The following RRP1B variants were observed in gnomAD, a reference collection of about 807,000 sequenced individuals.
The protein encoded by RRP1B is ribosomal RNA processing 1B, also known as ribosomal RNA processing protein 1 homolog B.
A neutral mutation model predicts 80.2 loss-of-function variants in RRP1B; 56 were observed. The observed-to-expected ratio is 0.70, with a 90% CI of 0.56 to 0.87. RRP1B has a LOEUF of 0.87. Among genes scored for constraint, RRP1B ranks in the 40% least tolerant of loss-of-function variants. The pLI, the probability that RRP1B is intolerant of heterozygous loss-of-function variation, is 0.00. For missense variants in RRP1B, 807 were observed against 939.8 expected, an observed-to-expected ratio of 0.86 and a Z score of 1.85; for synonymous variants, 351 against 357.6, an observed-to-expected ratio of 0.98 and a Z score of 0.21.
rs1326735780 is a variant in RRP1B at position 43,672,841 on chromosome 21, G to A, written c.271+476G>A. ...AAGGAAGAAAAAGGTAGCCGACTTCGTTTGTTCTGCTTAATGCTCTTCAGA... is the reference window on the plus strand; with the variant it reads ...AAGGAAGAAAAAGGTAGCCGACTTCATTTGTTCTGCTTAATGCTCTTCAGA... On this transcript the variant is annotated intron_variant, in intron 3 of 15. Transcript: ENST00000340648. 2.6e-5 allele frequency among the ~76,000 whole-genome samples: 4 copies of A among 152,274 alleles called. No homozygotes were observed. The East Asian group carries it at 5.8e-4, about 22-fold the overall frequency.
chr21:43,666,742 T>A (rs2082979680), intron 1 of RRP1B, among the ~76,000 whole-genome samples: 1 of 151,384 alleles, frequency 6.6e-6, no homozygotes, highest in South Asian at 2.1e-4. Flanking sequence ...AAATCCTTAA[T>A]AGCATGAAAT....
At chr21:43,689,099 T>TGG in intron 13 of RRP1B, among the ~76,000 whole-genome samples, 1 of 152,354 alleles carries the variant, frequency 6.6e-6, no homozygotes, top group South Asian at 2.1e-4. Context: ...ACACCACCTC[T>TGG]GGGCGCCCTG....
At chr21:43,679,741 A>C (rs1165515251) in intron 8 of RRP1B, among the ~76,000 whole-genome samples, 2 of 152,162 alleles carry the variant, frequency 1.3e-5, no homozygotes, top group East Asian at 3.8e-4. Context: ...TCGTTTTCAC[A>C]ATATTGATTC....
chr21:43,662,960 T>A (rs1298217722), intron 1 of RRP1B, among the ~76,000 whole-genome samples: 1 of 152,234 alleles, frequency 6.6e-6, no homozygotes, highest in Non-Finnish European at 1.5e-5. Context: ...TTGCTTTCTT[T>A]TTGGCAGCAT....
In RRP1B at chr21:43,687,894, C is replaced by A; in HGVS notation, c.1520C>A (p.Pro507His). Residue 507 changes from proline (P) to histidine (H), a missense_variant, in exon 13 of 16, where the codon CCT (proline) becomes CAT (histidine). Physicochemically the swap from Pro to His is moderately conservative, Grantham distance 77. Coordinates refer to ENST00000340648, the MANE Select transcript of RRP1B (RefSeq NM_015056.3). ...CAGAGTGGCCCGAGTGGCAGTCATCCTCAGGGACCTAGAGGGTCCCCGACA... is the reference window on the plus strand; with the variant it reads ...CAGAGTGGCCCGAGTGGCAGTCATCATCAGGGACCTAGAGGGTCCCCGACA... ...MSQSGPSGSHPQGPRGSPTGG... is the reference protein window; with the variant it reads ...MSQSGPSGSHHQGPRGSPTGG... 6.2e-7 allele frequency: 1 copy of A among 1,613,250 alleles called. No homozygotes were observed. The highest frequency in any genetic ancestry group is 8.5e-7 in the Non-Finnish European group (1 of 1,180,038).
chr21:43,684,417 G>C (rs1387767636), intron 9 of RRP1B, 136 bp from the exon 10 acceptor site: 32 of 736,532 alleles, frequency 4.3e-5, no homozygotes, highest in Non-Finnish European at 5.4e-5. Flanking sequence ...TGGTTGCCAA[G>C]TCCCAGCACA....
At chr21:43,692,968 C>G (rs1275370912) in intron 15 of RRP1B, among the ~76,000 whole-genome samples, 2 of 152,148 alleles carry the variant, frequency 1.3e-5, no homozygotes, top group African/African-American at 2.4e-5. Context: ...GCAGGCAGCC[C>G]TGGGCCCTCC....
At position 43,687,906 on chromosome 21, in the gene RRP1B, G is replaced by A. The variant is rs772026362; in HGVS notation, c.1532G>A (p.Arg511Lys). ...AGTGGCAGTCATCCTCAGGGACCTA[G>A]AGGGTCCCCGACAGGTGGAGCCCAA... ...GPSGSHPQGP[R>K]GSPTGGAQLL... is the part of the protein sequence containing the mutation. Residue 511 changes from arginine to lysine, a missense_variant, in exon 13 of 16, where the codon AGA (arginine) becomes AAA (lysine). Physicochemically the swap from Arg to Lys is conservative, Grantham distance 26 (BLOSUM62 2). Transcript: ENST00000340648. 1 of 1,613,234 alleles carries A rather than the reference G, an allele frequency of 6.2e-7. No individual in the cohort carries two copies. The highest frequency in any genetic ancestry group is 8.5e-7 in the Non-Finnish European group (1 of 1,180,030).
rs369863784 is a variant in RRP1B at position 43,686,895 on chromosome 21, A to G, written c.1101A>G (p.Gly367=). The change falls in exon 12 of 16, where the codon GGA becomes GGG. Residue 367 remains glycine (G), a synonymous_variant. Coordinates refer to ENST00000340648, the MANE Select transcript of RRP1B (RefSeq NM_015056.3). ...ILSQGKHKKK[G]NKLLEKTNLE... is the part of the protein sequence containing the mutation. ...GTCAAGGAAAGCATAAGAAGAAAGG[A>G]AATAAACTTTTAGAGAAAACTAACT... The G allele has an allele frequency of 5.0e-6, 8 of 1,613,918 alleles. No individual in the cohort carries two copies. The highest frequency in any genetic ancestry group is 5.9e-6 in the Non-Finnish European group (7 of 1,179,984).
intron 9 of RRP1B, among the ~76,000 whole-genome samples, 173 bp downstream of exon 9, chr21:43,683,546 A>T (rs2083051602): frequency 6.6e-6 from 1 of 152,216 alleles, no homozygotes; most frequent in Admixed American, 6.5e-5. Flanking sequence ...AGACAAGGAA[A>T]TGTAAATATG....
In RRP1B at chr21:43,688,020, G is replaced by A; in HGVS notation, c.1646G>A (p.Gly549Asp). 1.2e-6 allele frequency: 2 copies of A among 1,612,260 alleles called. No individual in the cohort carries two copies. Among genetic ancestry groups the A allele is most frequent in the Non-Finnish European group, 1.7e-6 (2 of 1,179,396 alleles). The change falls in exon 13 of 16, where the codon GGC (glycine) becomes GAC (aspartate). Residue 549 changes from glycine (G) to aspartate (D), a missense_variant. By Grantham distance (94) the Gly-to-Asp change is moderately conservative. Coordinates refer to ENST00000340648, the MANE Select transcript of RRP1B (RefSeq NM_015056.3). ...GCCTGGCCTCCATTGCAGCAGGAAG[G>A]CCCTCCCACAGGCCCCGCAGAGGGG... is the stretch of plus-strand genomic sequence containing the variant. ...TPAWPPLQQE[G>D]PPTGPAEGAN...
In RRP1B at chr21:43,683,753, G is replaced by A. The variant is rs548169602; in HGVS notation, c.891+380G>A. Among the ~76,000 whole-genome samples, 10 of 151,720 alleles carry A rather than the reference G, an allele frequency of 6.6e-5. No homozygotes were observed. The South Asian group carries it at 1.7e-3, about 25-fold the overall frequency. ...CCAGCACTTTGGGAGGCCCAGGCGG[G>A]CAGATCACCTGAGGTCAAGAGTTCG... On this transcript the variant is annotated intron_variant, in intron 9 of 15. Coordinates refer to ENST00000340648, the MANE Select transcript of RRP1B (RefSeq NM_015056.3).
intron 8 of RRP1B, among the ~76,000 whole-genome samples, chr21:43,682,987 C>T (rs182832982): frequency 5.9e-5 from 9 of 152,304 alleles, no homozygotes; most frequent in Non-Finnish European, 1.2e-4. Context: ...ATTCTCATGC[C>T]TCAGCCTCCC....
chr21:43,678,451 G>A (rs903550515), intron 8 of RRP1B, among the ~76,000 whole-genome samples: 2 of 152,056 alleles, frequency 1.3e-5, no homozygotes, highest in African/African-American at 2.4e-5. Context: ...GAGCCACCGC[G>A]CCCGGCCACC....
At chr21:43,679,261 T>C (rs1192484394) in intron 8 of RRP1B, among the ~76,000 whole-genome samples, 1 of 150,568 alleles carries the variant, frequency 6.6e-6, no homozygotes, top group Non-Finnish European at 1.5e-5. Context: ...GTGTTTTGGG[T>C]TTTTTTTGGC....
chr21:43,661,376 G>T (rs927022179), intron 1 of RRP1B, among the ~76,000 whole-genome samples: 4 of 152,140 alleles, frequency 2.6e-5, no homozygotes, highest in Non-Finnish European at 5.9e-5. Flanking sequence ...CTCTGCTGCT[G>T]CTCCACTGCC....
intron 4 of RRP1B, among the ~76,000 whole-genome samples, chr21:43,674,178 A>T (rs1201049160): frequency 6.6e-6 from 1 of 152,170 alleles, no homozygotes; most frequent in African/African-American, 2.4e-5. Flanking sequence ...TTTGAGACAG[A>T]GTCTCTCTTG....
chr21:43,691,545 C>T lies in RRP1B; in HGVS notation c.2083+43C>T, dbSNP rs754355268. 8 of 1,586,946 alleles carry T rather than the reference C, an allele frequency of 5.0e-6. No individual in the cohort carries two copies. The South Asian group carries it at 8.9e-5, about 18-fold the overall frequency. ...AGCGGCAAGCTTCTCTGGAGCACAG[C>T]TGCAGCTCCTGGCGCGGCTCGCAGC... On this transcript the variant is annotated intron_variant, in intron 15 of 15. Transcript: ENST00000340648. This position sits in a 1 kb window ranked among gnomAD's most constrained non-coding sequence, Gnocchi z 4.2.
At chr21:43,668,271 G>A (rs1045329930) in intron 1 of RRP1B, among the ~76,000 whole-genome samples, 3 of 150,898 alleles carry the variant, frequency 2.0e-5, no homozygotes, top group African/African-American at 7.3e-5. Context: ...AAGACCCTTA[G>A]CAAAGTGGAA....
Sources: allele counts gnomAD v4.1 joint callset (sites outside exome capture counted in the v4.1 genomes callset), GRCh38; gene constraint gnomAD v4.1.1; non-coding constraint Gnocchi (gnomAD v3.1); transcripts MANE v1.5; gene names NCBI Gene and HGNC (gene_info 2026-07-23, HGNC 2026-07-21).